Variants in OSBPL10 observed in about 807,000 individuals in gnomAD.
OSBPL10 encodes oxysterol-binding protein-related protein 10.
In OSBPL10, 49 loss-of-function variants were observed where a neutral mutation model predicts 81.7. That is an observed-to-expected ratio of 0.60 (90% CI 0.48 to 0.76). The LOEUF is 0.76. OSBPL10 is among the 30% of genes least tolerant of loss of function. The probability of loss-of-function intolerance (pLI) is 0.00; values close to 1 mark genes in which losing one functional copy is unlikely to be tolerated. For synonymous variants in OSBPL10, 419 were observed against 383.6 expected, an observed-to-expected ratio of 1.09 and a Z score of -1.08; for missense variants, 923 against 987.8, an observed-to-expected ratio of 0.93 and a Z score of 0.88.
At chr3:31,875,395 C>T (rs1487815757) in intron 3 of OSBPL10, among the ~76,000 whole-genome samples, 1 of 152,022 alleles carries the variant, frequency 6.6e-6, no homozygotes, top group Non-Finnish European at 1.5e-5. Flanking sequence ...AGAACTCCTA[C>T]TATAATTCTT....
chr3:31,662,447 A>C, intron 11 of OSBPL10: 2 of 1,069,706 alleles, frequency 1.9e-6, no homozygotes, highest in Non-Finnish European at 2.3e-6. Flanking sequence ...TAGCTAGATG[A>C]ATGGCCAGGG....
chr3:31,907,619 CAAAAAAAAAAAAAA>C lies in OSBPL10; in HGVS notation c.282-27803_282-27790del, dbSNP rs142840420. 4.6e-3 allele frequency among the ~76,000 whole-genome samples: 291 copies of C among 63,888 alleles called. 1 individual carries two copies. The highest frequency in any genetic ancestry group is 0.018 in the African/African-American group (259 of 14,462). 41.9% of individuals were successfully genotyped at this position (63,888 alleles called of 152,430 possible). A position where few individuals can be genotyped will look rare whatever the true frequency, so the allele number is the denominator to read the frequency against. ...TCCAGCCTGGGTGAGACCTCCATCT[CAAAAAAAAAAAAAA>C]AAAAAAAAAAAAAAAAAATTTAAGT... On this transcript the variant is annotated intron_variant, in intron 1 of 11. Coordinates refer to ENST00000396556, the MANE Select transcript of OSBPL10 (RefSeq NM_017784.5).
At chr3:31,783,042 G>A (rs528495481) in intron 4 of OSBPL10, among the ~76,000 whole-genome samples, 1 of 150,280 alleles carries the variant, frequency 6.7e-6, no homozygotes, top group African/African-American at 2.5e-5. Context: ...TAGCCTAAAT[G>A]CCCATCAATT....
At chr3:31,958,192 C>T (rs1189482510) in intron 1 of OSBPL10, among the ~76,000 whole-genome samples, 1 of 152,178 alleles carries the variant, frequency 6.6e-6, no homozygotes, top group Non-Finnish European at 1.5e-5. Context: ...CATCTTTCAG[C>T]CCCTGAATAG....
chr3:32,064,579 A>G (rs1207405892), intron 1 of OSBPL10, among the ~76,000 whole-genome samples: 1 of 93,244 alleles, frequency 1.1e-5, no homozygotes, highest in East Asian at 2.5e-4. Flanking sequence ...TTTAAAGAAA[A>G]AAAAAGATGA....
chr3:31,823,967 T>C (rs1314630702), intron 4 of OSBPL10, among the ~76,000 whole-genome samples: 1 of 152,042 alleles, frequency 6.6e-6, no homozygotes, highest in Non-Finnish European at 1.5e-5. Context: ...TTCTCCCACC[T>C]CAGCCTCCCA....
chr3:31,708,774 TG>T, intron 6 of OSBPL10: 1 of 985,450 alleles, frequency 1.0e-6, no homozygotes, highest in Non-Finnish European at 1.2e-6. Context: ...TTTTGGTGGC[TG>T]TGTCTAATTC....
chr3:31,836,238 A>G (rs1347974830), intron 3 of OSBPL10, among the ~76,000 whole-genome samples: 2 of 152,176 alleles, frequency 1.3e-5, no homozygotes, highest in African/African-American at 4.8e-5. Context: ...AATCTTTAAT[A>G]TATCTTAAAC....
chr3:31,945,423 C>T (rs1697672611), intron 1 of OSBPL10, among the ~76,000 whole-genome samples: 1 of 152,156 alleles, frequency 6.6e-6, no homozygotes, highest in East Asian at 1.9e-4. Context: ...ACGATCCAGC[C>T]CTCAAGCCCA....
intron 1 of OSBPL10, among the ~76,000 whole-genome samples, chr3:31,900,805 T>C (rs1696213849): frequency 1.3e-5 from 2 of 152,210 alleles, no homozygotes; most frequent in Non-Finnish European, 2.9e-5. Flanking sequence ...CTGAAATGAG[T>C]GAGCAGGAAA....
intron 5 of OSBPL10, among the ~76,000 whole-genome samples, chr3:31,745,463 T>C (rs1023054776): frequency 2.0e-5 from 3 of 152,232 alleles, no homozygotes; most frequent in Admixed American, 6.5e-5. Context: ...TTTCATACTA[T>C]TCTTGCAACT....
chr3:31,725,311 T>C (rs888245553), intron 6 of OSBPL10, among the ~76,000 whole-genome samples: 1 of 152,200 alleles, frequency 6.6e-6, no homozygotes, highest in African/African-American at 2.4e-5. Flanking sequence ...ATTATGGCTC[T>C]TTCTGATTTT....
intron 6 of OSBPL10, chr3:31,704,538 A>G (rs1235117529): frequency 1.3e-5 from 2 of 152,254 alleles, no homozygotes; most frequent in East Asian, 3.9e-4. Flanking sequence ...AGTGGGCTGC[A>G]AAGTCCTTAA....
At chr3:32,048,310 A>ATTTTTTTTT (rs71068027) in intron 1 of OSBPL10, among the ~76,000 whole-genome samples, 9 of 134,600 alleles carry the variant, frequency 6.7e-5, no homozygotes, top group African/African-American at 2.2e-4. Context: ...CACTACTACT[A>ATTTTTTTTT]TTTTTTTTTT....
At chr3:31,768,252 A>G (rs1051607407) in intron 4 of OSBPL10, among the ~76,000 whole-genome samples, 1 of 152,122 alleles carries the variant, frequency 6.6e-6, no homozygotes, top group African/African-American at 2.4e-5. Context: ...GGTCACGTTC[A>G]TGGCCCCCTT....
At chr3:31,814,114 C>T (rs1699774391) in intron 4 of OSBPL10, among the ~76,000 whole-genome samples, 1 of 152,162 alleles carries the variant, frequency 6.6e-6, no homozygotes, top group South Asian at 2.1e-4. Context: ...AGGGTGGAGT[C>T]TACTCCTGTG....
Position 31,743,059 on chromosome 3 carries a change from T to A in OSBPL10, c.940+4851A>T, listed in dbSNP as rs867604618. Among the ~76,000 whole-genome samples, 168 of 83,286 alleles carry A rather than the reference T, an allele frequency of 2.0e-3. No individual in the cohort carries two copies. In the Middle Eastern group the frequency reaches 0.024, roughly 12 times the overall value. The allele number at this position is 83,286 out of a possible 152,430, so 54.6% of individuals were successfully genotyped here. A position where few individuals can be genotyped will look rare whatever the true frequency, so the allele number is the denominator to read the frequency against. On this transcript the variant is annotated intron_variant, in intron 5 of 11. Transcript: ENST00000396556. ...TTTTTTTTTTTTTTTTTTTTTTTTT[T>A]AGAGAGAGTCTTGCTCTGTCCCCCA...
intron 1 of OSBPL10, among the ~76,000 whole-genome samples, chr3:31,978,506 C>A (rs1245819110): frequency 6.6e-6 from 1 of 152,104 alleles, no homozygotes; most frequent in Non-Finnish European, 1.5e-5. Context: ...TTCATAAGAC[C>A]CCTAGAGAAG....
At chr3:32,048,280 A>G (rs1456324804) in intron 1 of OSBPL10, among the ~76,000 whole-genome samples, 1 of 148,022 alleles carries the variant, frequency 6.8e-6, no homozygotes, top group Non-Finnish European at 1.5e-5. Context: ...TTCTCATTAT[A>G]TACTGTCATC....
Sources: gnomAD v4.1 joint callset for allele counts (sites outside exome capture counted in the v4.1 genomes callset) on GRCh38, gnomAD v4.1.1 for gene constraint, MANE v1.5 for transcripts, NCBI Gene and HGNC (gene_info 2026-07-23, HGNC 2026-07-21) for gene names.